The following ERBB4 variants were observed in gnomAD, a reference collection of about 807,000 sequenced individuals.
The protein encoded by ERBB4 is receptor tyrosine-protein kinase erbB-4.
Under a neutral mutation model 158.0 loss-of-function variants are expected in ERBB4, and 42 were observed. The ratio of observed to expected loss-of-function variants is 0.27; its 90% confidence interval spans 0.21 to 0.34. The LOEUF is 0.34. ERBB4 is among the 10% of genes least tolerant of loss of function. ERBB4 has a pLI of 1.00. For synonymous variants in ERBB4, 583 were observed against 558.7 expected, an observed-to-expected ratio of 1.04 and a Z score of -0.61; for missense variants, 1,333 against 1,624.1, an observed-to-expected ratio of 0.82 and a Z score of 3.08.
intron 3 of ERBB4, among the ~76,000 whole-genome samples, chr2:211,892,984 C>T (rs1186521906): frequency 6.8e-6 from 1 of 147,328 alleles, no homozygotes; most frequent in Non-Finnish European, 1.5e-5. Flanking sequence ...GGCCATACTG[C>T]CCAAGGTAAT....
intron 20 of ERBB4, among the ~76,000 whole-genome samples, chr2:211,508,295 C>T (rs532671262): frequency 3.3e-5 from 5 of 151,906 alleles, no homozygotes; most frequent in Non-Finnish European, 7.4e-5. Context: ...AAAAAAACAA[C>T]CCCATCAAAA....
intron 1 of ERBB4, among the ~76,000 whole-genome samples, chr2:212,205,645 G>C (rs1263851395): frequency 6.6e-6 from 1 of 151,980 alleles, no homozygotes; most frequent in Non-Finnish European, 1.5e-5. Context: ...AATTATTAAA[G>C]ACCTTATCTT....
chr2:211,816,718 C>T (rs1447446293), intron 3 of ERBB4, among the ~76,000 whole-genome samples: 1 of 152,056 alleles, frequency 6.6e-6, no homozygotes, highest in East Asian at 1.9e-4. Flanking sequence ...AAACGGACCA[C>T]CACCACTACC....
intron 2 of ERBB4, among the ~76,000 whole-genome samples, chr2:212,120,079 C>T (rs1228608482): frequency 1.3e-5 from 2 of 152,070 alleles, no homozygotes; most frequent in Non-Finnish European, 2.9e-5. Flanking sequence ...TGCAATCAGT[C>T]ATCAGAAGTA....
chr2:212,314,602 A>C (rs2087193123), intron 1 of ERBB4, among the ~76,000 whole-genome samples: 1 of 151,160 alleles, frequency 6.6e-6, no homozygotes, highest in Non-Finnish European at 1.5e-5. Flanking sequence ...ATTTTTTTTA[A>C]AAAGAATCAA....
intron 2 of ERBB4, among the ~76,000 whole-genome samples, chr2:212,077,901 A>T (rs1421614559): frequency 6.6e-6 from 1 of 152,054 alleles, no homozygotes; most frequent in Non-Finnish European, 1.5e-5. Flanking sequence ...TTTCTGTCTT[A>T]GAACAAAGCC....
chr2:212,433,010 C>T (rs1372728830), intron 1 of ERBB4, among the ~76,000 whole-genome samples: 3 of 151,920 alleles, frequency 2.0e-5, no homozygotes, highest in Non-Finnish European at 4.4e-5. Context: ...TTTGTAACAT[C>T]GAAGGGTTAT....
intron 3 of ERBB4, among the ~76,000 whole-genome samples, chr2:211,883,685 C>T (rs559514086): frequency 5.6e-4 from 85 of 152,060 alleles, no homozygotes; most frequent in African/African-American, 1.9e-3. Context: ...ACTTGGGAGG[C>T]AGAGGCTGAG....
intron 1 of ERBB4, among the ~76,000 whole-genome samples, chr2:212,188,233 T>TCTC (rs1559691540): frequency 1.8e-4 from 3 of 16,568 alleles, no homozygotes; most frequent in African/African-American, 2.8e-4. Context: ...TCTCTCTCTC[T>TCTC]CCCCCCCCCT....
chr2:211,621,625 T>C (rs10469656), intron 18 of ERBB4, among the ~76,000 whole-genome samples: 118,351 of 152,102 alleles, frequency 0.78, 48,224 homozygotes, highest in Non-Finnish European at 0.89. Flanking sequence ...TCTTGAGTTA[T>C]AGGGTATCCA....
chr2:212,469,777 C>A (rs930352084), intron 1 of ERBB4, among the ~76,000 whole-genome samples: 91 of 152,178 alleles, frequency 6.0e-4, no homozygotes, highest in African/African-American at 2.1e-3. Flanking sequence ...CTAGTGTGAT[C>A]ATGCATACTT....
chr2:212,344,732 T>G (rs561945045), intron 1 of ERBB4, among the ~76,000 whole-genome samples: 3 of 152,330 alleles, frequency 2.0e-5, no homozygotes, highest in Admixed American at 2.0e-4. Context: ...CATCATTTAA[T>G]TTATTGTCTC....
At chr2:211,665,204 A>G in intron 15 of ERBB4, 119 bp downstream of exon 15, 1 of 1,022,026 alleles carries the variant, frequency 9.8e-7, no homozygotes, top group South Asian at 1.3e-5. Context: ...TCAGCATTTT[A>G]AATATAAGGA....
chr2:212,434,557 C>T (rs1238023730), intron 1 of ERBB4, among the ~76,000 whole-genome samples: 9 of 151,910 alleles, frequency 5.9e-5, no homozygotes, highest in Admixed American at 3.3e-4. Flanking sequence ...CTTTTTACCA[C>T]GACTTGGAAT....
At chr2:212,149,774 G>A (rs1172084770) in intron 1 of ERBB4, among the ~76,000 whole-genome samples, 1 of 151,838 alleles carries the variant, frequency 6.6e-6, no homozygotes, top group Admixed American at 6.6e-5. Context: ...AACTGATTAT[G>A]CACCTGCCCT....
chr2:212,058,899 C>A (rs1423937414), intron 2 of ERBB4, among the ~76,000 whole-genome samples: 2 of 152,178 alleles, frequency 1.3e-5, no homozygotes, highest in Non-Finnish European at 2.9e-5. Flanking sequence ...GATGCCCTCT[C>A]TCATCACTCT....
intron 12 of ERBB4, among the ~76,000 whole-genome samples, chr2:211,684,351 T>C (rs1302515290): frequency 6.6e-6 from 1 of 152,012 alleles, no homozygotes; most frequent in Non-Finnish European, 1.5e-5. Flanking sequence ...CTCAGAAGGC[T>C]GAAGAGGGAG....
At chr2:212,342,304 C>A (rs1025438124) in intron 1 of ERBB4, among the ~76,000 whole-genome samples, 1 of 152,082 alleles carries the variant, frequency 6.6e-6, no homozygotes. Flanking sequence ...TGGGAGGGAC[C>A]TGGTGGGAGA....
At chr2:212,151,953 G>A (rs1375657156) in intron 1 of ERBB4, among the ~76,000 whole-genome samples, 4 of 152,122 alleles carry the variant, frequency 2.6e-5, no homozygotes, top group African/African-American at 9.7e-5. Flanking sequence ...AGTTTTGCAA[G>A]TCCCAAGTTC....
Sources: gnomAD v4.1 joint callset for allele counts (sites outside exome capture counted in the v4.1 genomes callset) on GRCh38, gnomAD v4.1.1 for gene constraint, MANE v1.5 for transcripts, NCBI Gene and HGNC (gene_info 2026-07-23, HGNC 2026-07-21) for gene names.